RORA: variants seen among roughly 807,000 people sequenced by gnomAD.
RORA encodes the protein RAR related orphan receptor A.
A neutral mutation model predicts 69.5 loss-of-function variants in RORA; 7 were observed. The observed-to-expected ratio is 0.10, with a 90% CI of 0.06 to 0.19. The LOEUF is 0.19. Ranked by LOEUF, RORA falls within the 10% of genes least tolerant of loss-of-function variation. RORA has a pLI of 1.00. For synonymous variants in RORA, 261 were observed against 240.8 expected (o/e 1.08, Z -0.78); for missense variants, 457 against 663.0 (o/e 0.69, Z 3.41).
chr15:61,103,216 C>G (rs1414171609), intron 1 of RORA, among the ~76,000 whole-genome samples: 1 of 152,108 alleles, frequency 6.6e-6, no homozygotes, highest in African/African-American at 2.4e-5. Flanking sequence ...CTGGGCGGGG[C>G]TGAGGAACTT....
intron 1 of RORA, among the ~76,000 whole-genome samples, chr15:60,836,361 G>A (rs181200330): frequency 4.6e-5 from 7 of 152,238 alleles, no homozygotes; most frequent in East Asian, 3.9e-4. Flanking sequence ...AGAAGGAGAA[G>A]AGATGTAAAT....
chr15:60,685,691 CA>C (rs1444982700), intron 1 of RORA, among the ~76,000 whole-genome samples: 1 of 152,116 alleles, frequency 6.6e-6, no homozygotes, highest in Non-Finnish European at 1.5e-5. Context: ...GACTTTGTTT[CA>C]AAAATTCTTA....
intron 1 of RORA, among the ~76,000 whole-genome samples, chr15:61,013,409 G>C (rs1435564355): frequency 6.6e-6 from 1 of 152,194 alleles, no homozygotes; most frequent in East Asian, 1.9e-4. Flanking sequence ...GCTGACTTCT[G>C]CTCCGGATGA....
intron 2 of RORA, among the ~76,000 whole-genome samples, chr15:60,639,162 C>A (rs539266886): frequency 6.6e-6 from 1 of 152,008 alleles, no homozygotes; most frequent in Non-Finnish European, 1.5e-5. Flanking sequence ...CCCCCCTCCT[C>A]CCCGTTTCAA....
intron 2 of RORA, among the ~76,000 whole-genome samples, chr15:60,666,480 C>G (rs540497322): frequency 3.3e-5 from 5 of 151,428 alleles, no homozygotes; most frequent in Admixed American, 3.3e-4. Context: ...CCACCACACC[C>G]GGCCAAAAAA....
At chr15:60,851,731 AGT>A (rs1368623299) in intron 1 of RORA, among the ~76,000 whole-genome samples, 43 of 149,566 alleles carry the variant, frequency 2.9e-4, no homozygotes, top group African/African-American at 9.9e-4. Context: ...TGTGAGAGAG[AGT>A]GTGTGTGTGT....
At chr15:60,569,164 C>G (rs2067803772) in intron 2 of RORA, among the ~76,000 whole-genome samples, 1 of 151,616 alleles carries the variant, frequency 6.6e-6, no homozygotes, top group Non-Finnish European at 1.5e-5. Context: ...TTTTGCACTC[C>G]TTCTCAAAAG....
chr15:60,770,173 C>CAT (rs2072052499), intron 1 of RORA, among the ~76,000 whole-genome samples: 1 of 152,126 alleles, frequency 6.6e-6, no homozygotes, highest in Non-Finnish European at 1.5e-5. Flanking sequence ...GAATGCTGCC[C>CAT]ATTTAAATTC....
At chr15:60,870,384 G>A (rs1184061270) in intron 1 of RORA, among the ~76,000 whole-genome samples, 2 of 152,182 alleles carry the variant, frequency 1.3e-5, no homozygotes, top group African/African-American at 2.4e-5. Flanking sequence ...GATTTTAGAG[G>A]AGAAATAATG....
intron 1 of RORA, among the ~76,000 whole-genome samples, chr15:61,027,734 T>C (rs1315810398): frequency 1.3e-5 from 2 of 152,228 alleles, no homozygotes; most frequent in Admixed American, 6.5e-5. Flanking sequence ...AATGGATAGA[T>C]AGTACCTAAA....
At chr15:60,652,253 T>C (rs1961418) in intron 2 of RORA, among the ~76,000 whole-genome samples, 1 of 152,124 alleles carries the variant, frequency 6.6e-6, no homozygotes, top group Non-Finnish European at 1.5e-5. Flanking sequence ...TAACCCAACT[T>C]AGCTCATTTT....
At chr15:60,711,935 A>G (rs1420000672) in intron 1 of RORA, among the ~76,000 whole-genome samples, 3 of 152,250 alleles carry the variant, frequency 2.0e-5, no homozygotes, top group African/African-American at 4.8e-5. Context: ...GTTATAAATT[A>G]TAATAGAAGT....
At chr15:60,574,396 TTA>T (rs1021512702) in intron 2 of RORA, among the ~76,000 whole-genome samples, 11 of 147,350 alleles carry the variant, frequency 7.5e-5, no homozygotes, top group African/African-American at 3.0e-4. Context: ...TAGAAGCCTC[TTA>T]TGTTATATGA....
Position 61,135,376 on chromosome 15 carries a change from C to T in RORA, c.166+93677G>A, listed in dbSNP as rs138058394. ...ATTTAAAAATAAATGTTTGCTTTAA[C>T]AAAACTTTTGTATTATGTGTTCCTA... is the stretch of plus-strand genomic sequence containing the variant. On this transcript the variant is annotated intron_variant, in intron 1 of 10. Transcript: ENST00000335670. Among the ~76,000 whole-genome samples the T allele has an allele frequency of 3.6e-3, 540 of 151,642 alleles. 2 individuals are homozygous for T. The highest frequency in any genetic ancestry group is 0.013 in the African/African-American group (521 of 41,378).
At chr15:60,528,703 CAAT>C (rs2066438463) in intron 3 of RORA, 1 of 152,284 alleles carries the variant, frequency 6.6e-6, no homozygotes, top group African/African-American at 2.4e-5. Context: ...CTAGTAATGA[CAAT>C]GATAACAACA....
intron 1 of RORA, among the ~76,000 whole-genome samples, chr15:61,024,554 G>T (rs1430152308): frequency 6.6e-6 from 1 of 151,296 alleles, no homozygotes; most frequent in Non-Finnish European, 1.5e-5. Context: ...GAGTTCAAGT[G>T]ATTCTCCTGC....
chr15:60,808,603 C>A (rs1025307970), intron 1 of RORA, among the ~76,000 whole-genome samples: 2 of 151,714 alleles, frequency 1.3e-5, no homozygotes, highest in African/African-American at 4.8e-5. Context: ...GAAAAAGATA[C>A]TTGCACACAC....
At chr15:60,600,875 A>G (rs1382180775) in intron 2 of RORA, 2 of 152,154 alleles carry the variant, frequency 1.3e-5, no homozygotes, top group African/African-American at 4.8e-5. Context: ...TATTCCTTGG[A>G]ACTTCCTGTG....
chr15:60,914,106 A>T (rs1312420716), intron 1 of RORA, among the ~76,000 whole-genome samples: 1 of 152,222 alleles, frequency 6.6e-6, no homozygotes, highest in African/African-American at 2.4e-5. Flanking sequence ...GAAAACAAAG[A>T]CGGGTGCACG....
Sources: allele counts gnomAD v4.1 joint callset (sites outside exome capture counted in the v4.1 genomes callset), GRCh38; gene constraint gnomAD v4.1.1; transcripts MANE v1.5; gene names NCBI Gene and HGNC (gene_info 2026-07-23, HGNC 2026-07-21).